The following LRRC37A2 variants were observed in gnomAD, a reference collection of about 807,000 sequenced individuals.
LRRC37A2 encodes leucine rich repeat containing 37 member A2.
Under a neutral mutation model 68.8 loss-of-function variants are expected in LRRC37A2, and 9 were observed. That is an observed-to-expected ratio of 0.13 (90% CI 0.08 to 0.23). LRRC37A2 has a LOEUF of 0.23. Among genes scored for constraint, LRRC37A2 ranks in the 10% least tolerant of loss-of-function variants. The pLI, the probability that LRRC37A2 is intolerant of heterozygous loss-of-function variation, is 1.00. For missense variants in LRRC37A2, 168 were observed against 950.4 expected, an observed-to-expected ratio of 0.18 and a Z score of 10.82; for synonymous variants, 63 against 367.6, an observed-to-expected ratio of 0.17 and a Z score of 9.48.
the LRRC37A2 span, chr17:46,975,428 C>T: frequency 6.6e-6 from 1 of 152,326 alleles, no homozygotes; most frequent in African/African-American, 2.4e-5. Context: ...GGATTCTGCT[C>T]TGTCTGGCTC....
At chr17:46,931,268 C>G in the LRRC37A2 span, 1 of 850,538 alleles carries the variant, frequency 1.2e-6, no homozygotes, top group East Asian at 2.4e-5. Flanking sequence ...GGCTTTTCTC[C>G]CTGGGGGAGG....
the LRRC37A2 span, among the ~76,000 whole-genome samples, chr17:46,736,577 A>C: frequency 6.6e-6 from 1 of 152,176 alleles, no homozygotes; most frequent in Non-Finnish European, 1.5e-5. Context: ...TGTACTTTAT[A>C]GATTTTCTAC....
At chr17:46,797,343 G>A in the LRRC37A2 span, among the ~76,000 whole-genome samples, 1 of 152,212 alleles carries the variant, frequency 6.6e-6, no homozygotes, top group Non-Finnish European at 1.5e-5. Flanking sequence ...GGACTCCCAG[G>A]AAGACGGCAG....
chr17:46,958,709 CAG>C, the LRRC37A2 span, among the ~76,000 whole-genome samples: 1 of 152,230 alleles, frequency 6.6e-6, no homozygotes, highest in African/African-American at 2.4e-5. Context: ...GAGGTCCTCA[CAG>C]GGGCACAGTG....
the LRRC37A2 span, chr17:46,934,902 G>C: frequency 1.2e-6 from 1 of 822,610 alleles, no homozygotes; most frequent in African/African-American, 1.7e-5. Flanking sequence ...TATCCATTAG[G>C]GTCCGCTGAT....
chr17:46,765,433 A>G, the LRRC37A2 span, among the ~76,000 whole-genome samples: 2 of 152,262 alleles, frequency 1.3e-5, no homozygotes, highest in Non-Finnish European at 2.9e-5. Flanking sequence ...GGTAAAAGCT[A>G]CAAAAAGCTA....
chr17:46,625,627 CATG>C, the LRRC37A2 span, among the ~76,000 whole-genome samples: 1 of 51,768 alleles, frequency 1.9e-5, no homozygotes, highest in Non-Finnish European at 3.3e-5. Context: ...TCACTGTACT[CATG>C]GTGGGGTTAC....
the LRRC37A2 span, chr17:46,694,334 C>G: frequency 8.7e-6 from 5 of 576,006 alleles, no homozygotes; most frequent in Non-Finnish European, 1.5e-5. Flanking sequence ...TTGCAGTGAG[C>G]TGAGATCGTA....
At chr17:47,025,447 G>T in the LRRC37A2 span, among the ~76,000 whole-genome samples, 197 of 152,194 alleles carry the variant, frequency 1.3e-3, 2 homozygotes, top group East Asian at 5.0e-3. Flanking sequence ...GCTACCAAGA[G>T]AATAGACTGG....
At chr17:47,001,783 G>A in the LRRC37A2 span, among the ~76,000 whole-genome samples, 1 of 137,746 alleles carries the variant, frequency 7.3e-6, no homozygotes, top group Admixed American at 7.6e-5. Context: ...GTGCAGTGGT[G>A]AGATCTCGGC....
At chr17:46,725,574 T>C in the LRRC37A2 span, among the ~76,000 whole-genome samples, 5 of 152,186 alleles carry the variant, frequency 3.3e-5, no homozygotes, top group East Asian at 9.6e-4. Context: ...ACAGGTTGTT[T>C]TTAAACCTAA....
chr17:46,546,415 TTTG>T, intron 9 of LRRC37A2, 42 bp downstream of exon 8: 1 of 536,110 alleles, frequency 1.9e-6, no homozygotes, highest in South Asian at 2.1e-5. Flanking sequence ...ACATTAAGTA[TTTG>T]TTTTTAAACT....
chr17:46,923,984 A>G, the LRRC37A2 span: 1 of 397,402 alleles, frequency 2.5e-6, no homozygotes, highest in Non-Finnish European at 4.4e-6. Flanking sequence ...TGTAAAATAT[A>G]CACAACATAA....
the LRRC37A2 span, among the ~76,000 whole-genome samples, chr17:46,871,453 C>T: frequency 6.1e-3 from 924 of 152,262 alleles, 8 homozygotes; most frequent in African/African-American, 0.021. Flanking sequence ...ACTGCCCCCT[C>T]GTAAATCCTT....
At chr17:46,883,740 G>A in the LRRC37A2 span, among the ~76,000 whole-genome samples, 1 of 152,216 alleles carries the variant, frequency 6.6e-6, no homozygotes, top group Non-Finnish European at 1.5e-5. Flanking sequence ...GTATGAGGGA[G>A]TTGCAAGGAT....
chr17:46,996,776 G>A, the LRRC37A2 span, among the ~76,000 whole-genome samples: 7 of 152,312 alleles, frequency 4.6e-5, no homozygotes, highest in East Asian at 3.9e-4. Context: ...CTCCCAAAGC[G>A]CTGGGATGAC....
the LRRC37A2 span, among the ~76,000 whole-genome samples, chr17:46,806,855 C>T: frequency 2.0e-5 from 3 of 152,364 alleles, no homozygotes; most frequent in African/African-American, 7.2e-5. Context: ...GGGGCTCCAT[C>T]TGCAGAGTGG....
At chr17:46,873,054 A>G in the LRRC37A2 span, among the ~76,000 whole-genome samples, 1 of 150,698 alleles carries the variant, frequency 6.6e-6, no homozygotes, top group Non-Finnish European at 1.5e-5. Flanking sequence ...CACAGATAAG[A>G]TGGGGTCCCC....
the LRRC37A2 span, among the ~76,000 whole-genome samples, chr17:46,765,295 G>A: frequency 1.3e-5 from 2 of 152,198 alleles, no homozygotes; most frequent in Admixed American, 6.5e-5. Flanking sequence ...GGACTTGGGC[G>A]CAGCCAGGCC....
Sources: gnomAD v4.1 joint callset for allele counts (sites outside exome capture counted in the v4.1 genomes callset) on GRCh38, gnomAD v4.1.1 for gene constraint, MANE v1.5 for transcripts, NCBI Gene and HGNC (gene_info 2026-07-23, HGNC 2026-07-21) for gene names.